The following CADM1 variants were observed in gnomAD, a reference collection of about 807,000 sequenced individuals.
CADM1 encodes cell adhesion molecule 1.
A neutral mutation model predicts 53.1 loss-of-function variants in CADM1; 15 were observed. The ratio of observed to expected loss-of-function variants is 0.28; its 90% CI spans 0.19 to 0.44. The LOEUF is 0.44. Among genes scored for constraint, CADM1 ranks in the 20% least tolerant of loss-of-function variants. The pLI is 1.00. For missense variants in CADM1, 434 were observed against 611.3 expected (o/e 0.71, Z 3.06); for synonymous variants, 281 against 243.0 (o/e 1.16, Z -1.45).
intron 1 of CADM1, among the ~76,000 whole-genome samples, chr11:115,250,091 G>A (rs776407238): frequency 6.6e-6 from 1 of 152,140 alleles, no homozygotes; most frequent in African/African-American, 2.4e-5. Context: ...TTTTAGTAGA[G>A]ATGAGGTTTC....
Position 115,456,598 on chromosome 11 carries a change from T to C in CADM1, c.124+47673A>G, listed in dbSNP as rs534143932. On this transcript the variant is annotated intron_variant, in intron 1 of 11. Transcript: ENST00000331581. Reference sequence around the variant, plus strand: ...TATATAGATAAGACATAGGACTAGTTGAATGTTACAGTAGAAAGAGCACTG... The same window carrying C: ...TATATAGATAAGACATAGGACTAGTCGAATGTTACAGTAGAAAGAGCACTG... Among the ~76,000 whole-genome samples the C allele has an allele frequency of 1.2e-4, 18 of 152,222 alleles. No homozygotes were observed. In the South Asian group the frequency reaches 3.5e-3, roughly 30 times the overall value.
intron 1 of CADM1, among the ~76,000 whole-genome samples, chr11:115,295,550 A>T (rs11215469): frequency 0.12 from 6,448 of 52,864 alleles, 299 homozygotes; most frequent in East Asian, 0.33. Context: ...ATATATATAT[A>T]ATATATATGT....
intron 1 of CADM1, among the ~76,000 whole-genome samples, chr11:115,435,001 C>G (rs1265122455): frequency 6.6e-6 from 1 of 151,740 alleles, no homozygotes; most frequent in African/African-American, 2.4e-5. Flanking sequence ...GCTGGGATTA[C>G]AGGCGTGTAC....
chr11:115,173,241 G>A lies in CADM1; in HGVS notation c.*3233C>T. 6.6e-6 allele frequency: 1 copy of A among 152,466 alleles called. No homozygotes were observed. The allele number at this position is 152,466 out of a possible 1,614,324, so 9.4% of individuals were successfully genotyped here. ...GAGACAGGTGGAGCAGCCAACACAG[G>A]GAAGTTGGTGAGGGTGGGGGGGCGG... On this transcript the variant is annotated 3_prime_UTR_variant, in exon 12 of 12. Coordinates refer to ENST00000331581, the MANE Select transcript of CADM1 (RefSeq NM_001301043.2).
At chr11:115,242,570 C>G (rs886560095) in intron 1 of CADM1, among the ~76,000 whole-genome samples, 1 of 152,074 alleles carries the variant, frequency 6.6e-6, no homozygotes, top group African/African-American at 2.4e-5. Context: ...GCGCGATCTA[C>G]TAAGAAAATT....
At chr11:115,362,455 G>A (rs1946052988) in intron 1 of CADM1, among the ~76,000 whole-genome samples, 1 of 152,312 alleles carries the variant, frequency 6.6e-6, no homozygotes, top group Admixed American at 6.5e-5. Context: ...AGGCAGCTAA[G>A]TACAATTTCT....
chr11:115,275,335 C>G (rs1235330516), intron 1 of CADM1, among the ~76,000 whole-genome samples: 1 of 152,170 alleles, frequency 6.6e-6, no homozygotes, highest in Non-Finnish European at 1.5e-5. Flanking sequence ...GGAGGCCTTA[C>G]CTCACTCCAA....
At chr11:115,444,450 T>A (rs1482373994) in intron 1 of CADM1, among the ~76,000 whole-genome samples, 1 of 152,206 alleles carries the variant, frequency 6.6e-6, no homozygotes, top group African/African-American at 2.4e-5. Context: ...TGATGAAAGC[T>A]GATCACTTGT....
chr11:115,235,336 G>A (rs940520333), intron 3 of CADM1, among the ~76,000 whole-genome samples: 2 of 151,930 alleles, frequency 1.3e-5, no homozygotes, highest in African/African-American at 4.8e-5. Flanking sequence ...TAATACAAAA[G>A]GTTAGTAAAG....
At chr11:115,308,099 G>A (rs1184393665) in intron 1 of CADM1, among the ~76,000 whole-genome samples, 1 of 150,302 alleles carries the variant, frequency 6.7e-6, no homozygotes, top group Non-Finnish European at 1.5e-5. Flanking sequence ...AAGTCTACAT[G>A]AACTCCTAAA....
intron 1 of CADM1, among the ~76,000 whole-genome samples, chr11:115,300,997 A>G (rs955568761): frequency 1.3e-5 from 2 of 152,006 alleles, no homozygotes; most frequent in African/African-American, 4.8e-5. Flanking sequence ...CCCACCACTC[A>G]AATAGAACTT....
chr11:115,254,513 C>T (rs1942711538), intron 1 of CADM1, among the ~76,000 whole-genome samples: 1 of 150,616 alleles, frequency 6.6e-6, no homozygotes, highest in South Asian at 2.1e-4. Flanking sequence ...AGAAAACAGC[C>T]CTACTTTAAG....
chr11:115,203,523 A>G (rs909854304), intron 8 of CADM1, among the ~76,000 whole-genome samples: 2 of 152,132 alleles, frequency 1.3e-5, no homozygotes, highest in Admixed American at 6.5e-5. Flanking sequence ...ATTTTTCACT[A>G]CCAAGATAGC....
chr11:115,361,720 C>T (rs1157806696), intron 1 of CADM1, among the ~76,000 whole-genome samples: 1 of 151,946 alleles, frequency 6.6e-6, no homozygotes, highest in East Asian at 1.9e-4. Flanking sequence ...CACACCCAAA[C>T]CTTATTATTA....
intron 1 of CADM1, among the ~76,000 whole-genome samples, chr11:115,363,389 G>A (rs772768538): frequency 2.6e-5 from 4 of 152,120 alleles, no homozygotes; most frequent in Non-Finnish European, 5.9e-5. Flanking sequence ...TCCAGGTAAC[G>A]TCTTTTCAAT....
At chr11:115,219,878 G>A (rs1941340411) in intron 5 of CADM1, among the ~76,000 whole-genome samples, 1 of 152,082 alleles carries the variant, frequency 6.6e-6, no homozygotes, top group Non-Finnish European at 1.5e-5. Context: ...AGAAGGTTAT[G>A]ACACTGGACA....
intron 1 of CADM1, among the ~76,000 whole-genome samples, chr11:115,387,907 AAAAC>A (rs1047380045): frequency 7.2e-5 from 11 of 152,158 alleles, no homozygotes; most frequent in East Asian, 1.9e-4. Flanking sequence ...CTCTAAAAAA[AAAAC>A]AAACAAACAA....
chr11:115,401,380 G>A (rs187360322), intron 1 of CADM1, among the ~76,000 whole-genome samples: 128 of 151,990 alleles, frequency 8.4e-4, no homozygotes, highest in Non-Finnish European at 1.4e-3. Context: ...AGGCCGAGGC[G>A]GGTGGATCAC....
chr11:115,296,953 T>A (rs1047998016), intron 1 of CADM1, among the ~76,000 whole-genome samples: 3 of 152,238 alleles, frequency 2.0e-5, no homozygotes, highest in Admixed American at 1.3e-4. Flanking sequence ...GTGAATTAAA[T>A]TCCTGACTTT....
Sources: gnomAD v4.1 joint callset for allele counts (sites outside exome capture counted in the v4.1 genomes callset) on GRCh38, gnomAD v4.1.1 for gene constraint, MANE v1.5 for transcripts, NCBI Gene and HGNC (gene_info 2026-07-23, HGNC 2026-07-21) for gene names.